KCTD8: variants seen among roughly 807,000 people sequenced by gnomAD.
The protein encoded by KCTD8 is BTB/POZ domain-containing protein KCTD8.
Under a neutral mutation model 31.5 loss-of-function variants are expected in KCTD8, and 27 were observed. The ratio of observed to expected loss-of-function variants is 0.86; its 90% CI spans 0.63 to 1.18. KCTD8 has a LOEUF of 1.18. Among genes scored for constraint, KCTD8 ranks in the 50% most tolerant of loss-of-function variants. KCTD8 has a pLI of 0.00. For synonymous variants in KCTD8, 290 were observed against 280.0 expected (o/e 1.04, Z -0.36); for missense variants, 658 against 647.7 (o/e 1.02, Z -0.17).
chr4:44,190,500 C>T (rs1253751810), intron 1 of KCTD8, among the ~76,000 whole-genome samples: 2 of 152,144 alleles, frequency 1.3e-5, no homozygotes, highest in Non-Finnish European at 2.9e-5. Context: ...ATGACAGACC[C>T]TAATCGCCAG....
intron 1 of KCTD8, among the ~76,000 whole-genome samples, chr4:44,363,021 T>A (rs537884152): frequency 1.3e-5 from 2 of 152,194 alleles, no homozygotes; most frequent in African/African-American, 4.8e-5. Context: ...GGCTTTAAAT[T>A]ATTTTTTAGA....
At chr4:44,220,776 C>A (rs569192904) in intron 1 of KCTD8, among the ~76,000 whole-genome samples, 12 of 151,990 alleles carry the variant, frequency 7.9e-5, no homozygotes, top group Non-Finnish European at 1.6e-4. Flanking sequence ...GAACTGAATA[C>A]GAAAAGAGAA....
chr4:44,377,518 C>T (rs1208085413), intron 1 of KCTD8, among the ~76,000 whole-genome samples: 1 of 152,128 alleles, frequency 6.6e-6, no homozygotes, highest in Non-Finnish European at 1.5e-5. Context: ...AAAGAAGGCA[C>T]AGCTGCAGGG....
At chr4:44,434,327 G>A (rs1004860005) in intron 1 of KCTD8, among the ~76,000 whole-genome samples, 5 of 151,784 alleles carry the variant, frequency 3.3e-5, no homozygotes, top group Non-Finnish European at 7.4e-5. Flanking sequence ...AAGGTACCAT[G>A]CCAAGTGCTT....
At position 44,190,389 on chromosome 4, in the gene KCTD8, G is replaced by T. The variant is rs549376337; in HGVS notation, c.962-15139C>A. 1.5e-4 allele frequency among the ~76,000 whole-genome samples: 23 copies of T among 152,322 alleles called. No individual in the cohort carries two copies. In the East Asian group the frequency reaches 4.2e-3, roughly 28 times the overall value. ...TCTTCACCTATGTGAATGATAGGTT[G>T]ACATCTGTTTATAATGATACTTGTT... On this transcript the variant is annotated intron_variant, in intron 1 of 1. Coordinates refer to ENST00000360029, the MANE Select transcript of KCTD8 (RefSeq NM_198353.3).
At chr4:44,358,987 T>C (rs929134113) in intron 1 of KCTD8, among the ~76,000 whole-genome samples, 10 of 152,208 alleles carry the variant, frequency 6.6e-5, no homozygotes, top group African/African-American at 2.4e-4. Context: ...GAAGTGTCTG[T>C]TCATATCCTT....
chr4:44,174,976 G>T lies in KCTD8; in HGVS notation c.1236C>A (p.Leu412=). 1 of 1,614,158 alleles carries T rather than the reference G, an allele frequency of 6.2e-7. No homozygotes were observed. Among genetic ancestry groups the T allele is most frequent in the Non-Finnish European group, 8.5e-7 (1 of 1,180,002 alleles). The change falls in exon 2 of 2, where the codon CTC becomes CTA. Residue 412 remains leucine (L), a synonymous_variant. Transcript: ENST00000360029. ...GGGACTTGCTGATGAGGGTCTGAAA[G>T]AGTTCACTGTTTCTGCGTTTGTCTG... ...PPPDKRRNSE[L]FQTLISKSRE... is the part of the protein sequence containing the mutation.
chr4:44,355,126 T>C (rs946227149), intron 1 of KCTD8, among the ~76,000 whole-genome samples: 1 of 152,164 alleles, frequency 6.6e-6, no homozygotes, highest in Non-Finnish European at 1.5e-5. Context: ...CTGATATTTA[T>C]AATGAAAACT....
At chr4:44,425,422 A>T (rs1577666892) in intron 1 of KCTD8, among the ~76,000 whole-genome samples, 3 of 152,182 alleles carry the variant, frequency 2.0e-5, no homozygotes, top group Admixed American at 6.6e-5. Context: ...CTAACAAATC[A>T]GTTACTTTTT....
At chr4:44,292,435 A>G (rs1717308294) in intron 1 of KCTD8, among the ~76,000 whole-genome samples, 1 of 152,100 alleles carries the variant, frequency 6.6e-6, no homozygotes, top group East Asian at 1.9e-4. Flanking sequence ...CTACACATGG[A>G]CATAAAGATG....
At position 44,447,548 on chromosome 4, in the gene KCTD8, G is replaced by C; in HGVS notation, c.961+15C>G. The C allele has an allele frequency of 2.0e-6, 3 of 1,532,818 alleles. No homozygotes were observed. The highest frequency in any genetic ancestry group is 3.7e-5 in the Admixed American group (2 of 53,806). 95.0% of individuals were successfully genotyped at this position (1,532,818 alleles called of 1,614,324 possible). On this transcript the variant is annotated intron_variant, in intron 1 of 1. Transcript: ENST00000360029. ...GGGCGAGGGGTGCTGGGAAACGCCG[G>C]GGCTGCGAACTTACGGAAGAAAATG...
At chr4:44,225,664 C>G (rs1275046806) in intron 1 of KCTD8, among the ~76,000 whole-genome samples, 1 of 151,714 alleles carries the variant, frequency 6.6e-6, no homozygotes, top group Non-Finnish European at 1.5e-5. Context: ...TGTTGGATTT[C>G]ATTTTGAATT....
intron 1 of KCTD8, among the ~76,000 whole-genome samples, chr4:44,356,071 G>A (rs1354004049): frequency 6.6e-6 from 1 of 152,096 alleles, no homozygotes; most frequent in African/African-American, 2.4e-5. Context: ...ATAACTTCTA[G>A]CCATACAGGC....
rs573833866 is a variant in KCTD8, at chr4:44,344,473, T to C, written c.961+103090A>G. 7.9e-5 allele frequency among the ~76,000 whole-genome samples: 12 copies of C among 152,308 alleles called. No individual in the cohort carries two copies. In the South Asian group the frequency reaches 1.2e-3, roughly 16 times the overall value. On this transcript the variant is annotated intron_variant, in intron 1 of 1. Coordinates refer to ENST00000360029, the MANE Select transcript of KCTD8 (RefSeq NM_198353.3). ...AATGCTGGAATGACAAGGTTAGTCA[T>C]TGTGCCGGGTATGTACTTAACACTA...
chr4:44,384,233 A>G (rs1720150145), intron 1 of KCTD8, among the ~76,000 whole-genome samples: 1 of 151,966 alleles, frequency 6.6e-6, no homozygotes, highest in Non-Finnish European at 1.5e-5. Context: ...AAAGTAGTAC[A>G]GTCATATAGA....
chr4:44,267,643 G>A (rs377342822), intron 1 of KCTD8, among the ~76,000 whole-genome samples: 14 of 151,978 alleles, frequency 9.2e-5, no homozygotes, highest in African/African-American at 1.9e-4. Context: ...TTGATAGACC[G>A]CTAGCAAGAC....
At chr4:44,180,587 G>GCA (rs201708007) in intron 1 of KCTD8, among the ~76,000 whole-genome samples, 15,963 of 138,994 alleles carry the variant, frequency 0.11, 1,297 homozygotes, top group African/African-American at 0.25. Flanking sequence ...ATACATACAT[G>GCA]CACACACACA....
At chr4:44,417,467 C>T (rs879710248) in intron 1 of KCTD8, among the ~76,000 whole-genome samples, 30 of 151,690 alleles carry the variant, frequency 2.0e-4, no homozygotes, top group Non-Finnish European at 3.7e-4. Flanking sequence ...AATGTACTGG[C>T]TCAAAAGAAC....
intron 1 of KCTD8, among the ~76,000 whole-genome samples, chr4:44,280,804 T>G (rs1716885670): frequency 6.6e-6 from 1 of 152,088 alleles, no homozygotes. Flanking sequence ...TATTCTTGGT[T>G]GTCTGCTTGG....
Sources: allele counts gnomAD v4.1 joint callset (sites outside exome capture counted in the v4.1 genomes callset), GRCh38; gene constraint gnomAD v4.1.1; transcripts MANE v1.5; gene names NCBI Gene and HGNC (gene_info 2026-07-23, HGNC 2026-07-21).